The following TOM1L2 variants were observed in gnomAD, a reference collection of about 807,000 sequenced individuals.
TOM1L2 encodes TOM1-like protein 2.
In TOM1L2, 31 loss-of-function variants were observed where a neutral mutation model predicts 67.9. That is an observed-to-expected ratio of 0.46 (90% CI 0.34 to 0.62). The LOEUF is 0.62. Among genes scored for constraint, TOM1L2 ranks in the 20% least tolerant of loss-of-function variants. The probability of loss-of-function intolerance (pLI) is 0.01; values close to 1 mark genes in which losing one functional copy is unlikely to be tolerated. For synonymous variants in TOM1L2, 256 were observed against 254.0 expected (o/e 1.01, Z -0.07); for missense variants, 606 against 663.5 (o/e 0.91, Z 0.95).
intron 1 of TOM1L2, among the ~76,000 whole-genome samples, chr17:17,932,322 G>A (rs1168810938): frequency 6.6e-6 from 1 of 152,116 alleles, no homozygotes; most frequent in Non-Finnish European, 1.5e-5. Flanking sequence ...TAGAGACAGA[G>A]TCTTGGTACT....
intron 12 of TOM1L2, chr17:17,851,154 T>A (rs1299821809): frequency 1.7e-6 from 1 of 588,536 alleles, no homozygotes; most frequent in Non-Finnish European, 3.0e-6. Flanking sequence ...AGCAATGAGG[T>A]GCAAATGATA....
chr17:17,891,589 C>T (rs1343255122), intron 4 of TOM1L2, among the ~76,000 whole-genome samples: 4 of 152,198 alleles, frequency 2.6e-5, no homozygotes, highest in Admixed American at 6.5e-5. Flanking sequence ...GTAGGCTAGC[C>T]ACCCTGCTGG....
chr17:17,904,767 C>G (rs1271405651), intron 2 of TOM1L2, among the ~76,000 whole-genome samples: 10 of 152,168 alleles, frequency 6.6e-5, no homozygotes, highest in Non-Finnish European at 1.5e-4. Flanking sequence ...CTATCCTAGA[C>G]AGCTTGTATC....
rs751515077 is a variant in TOM1L2, at chr17:17,879,633, C to T, written c.771G>A (p.Leu257=). The change falls in exon 7 of 15, where the codon TTG becomes TTA. Residue 257 remains leucine (L), a synonymous_variant. Transcript: ENST00000379504. The stretch of plus-strand genomic sequence containing the variant: ...CTTCTGAAAGATGACTCACCTGCAG[C>T]AACTCCAGATCAGATGAATCCTCCT... ...PGQEDSSDLE[L]LQELNRTCRA... is the part of the protein sequence containing the mutation. 3.2e-5 allele frequency: 52 copies of T among 1,613,434 alleles called. No homozygotes were observed. Among genetic ancestry groups the T allele is most frequent in the South Asian group, 3.3e-5 (3 of 91,088 alleles).
intron 1 of TOM1L2, among the ~76,000 whole-genome samples, chr17:17,941,454 CAT>C (rs2144792839): frequency 6.6e-6 from 1 of 152,060 alleles, no homozygotes; most frequent in African/African-American, 2.4e-5. Context: ...GAAAACAAAA[CAT>C]ATGTGAAAAA....
intron 2 of TOM1L2, among the ~76,000 whole-genome samples, chr17:17,903,654 C>G (rs946573070): frequency 5.3e-5 from 8 of 151,638 alleles, no homozygotes; most frequent in African/African-American, 1.9e-4. Context: ...AGATGGAAAT[C>G]CTGTCCTCAT....
At position 17,845,915 on chromosome 17, in the gene TOM1L2, T is replaced by G. The variant is rs1275463970; in HGVS notation, c.*1720A>C. 1 of 152,352 alleles carries G rather than the reference T, an allele frequency of 6.6e-6. No homozygotes were observed. The highest frequency in any genetic ancestry group is 1.5e-5 in the Non-Finnish European group (1 of 68,120). 9.4% of individuals were successfully genotyped at this position (152,352 alleles called of 1,614,324 possible). A position where few individuals can be genotyped will look rare whatever the true frequency, so the allele number is the denominator to read the frequency against. On this transcript the variant is annotated 3_prime_UTR_variant, in exon 15 of 15. Transcript: ENST00000379504. ...CTGGCCACTCCACGGAGGAGCTTCC[T>G]GGGTGAACCTGAGCAACTGGAGTGA...
chr17:17,949,419 T>C (rs1384153879), intron 1 of TOM1L2, among the ~76,000 whole-genome samples: 1 of 152,178 alleles, frequency 6.6e-6, no homozygotes, highest in African/African-American at 2.4e-5. Context: ...GTCAGGAGAA[T>C]AAATGTTACA....
At chr17:17,878,954 T>A (rs1308879232) in intron 7 of TOM1L2, among the ~76,000 whole-genome samples, 3 of 152,196 alleles carry the variant, frequency 2.0e-5, no homozygotes, top group African/African-American at 7.2e-5. Flanking sequence ...GCCTTGACCC[T>A]GGTTTCAGGG....
intron 12 of TOM1L2, chr17:17,858,226 A>ATTTT (rs10664045): frequency 1.0e-3 from 159 of 157,340 alleles, no homozygotes; most frequent in African/African-American, 3.4e-3. Context: ...TTTTTCCTAC[A>ATTTT]TTTTTTTTTT....
At chr17:17,905,272 A>G (rs1050667842) in intron 2 of TOM1L2, among the ~76,000 whole-genome samples, 7 of 152,192 alleles carry the variant, frequency 4.6e-5, no homozygotes, top group Non-Finnish European at 1.0e-4. Context: ...TTCCCTGTGC[A>G]GTTCCCTGTC....
intron 1 of TOM1L2, among the ~76,000 whole-genome samples, chr17:17,965,186 A>C (rs995110513): frequency 6.6e-6 from 1 of 151,912 alleles, no homozygotes; most frequent in Non-Finnish European, 1.5e-5. Context: ...CTACCTCTGT[A>C]ATGATATTCA....
chr17:17,874,144 C>T (rs557196495), intron 7 of TOM1L2, among the ~76,000 whole-genome samples: 6 of 151,396 alleles, frequency 4.0e-5, no homozygotes, highest in Admixed American at 1.3e-4. Context: ...TTAATAGAGA[C>T]GGGGTTTTAC....
At chr17:17,934,247 C>A (rs760030159) in intron 1 of TOM1L2, among the ~76,000 whole-genome samples, 1 of 152,154 alleles carries the variant, frequency 6.6e-6, no homozygotes, top group South Asian at 2.1e-4. Flanking sequence ...GAGTTCAAGA[C>A]CAGCCTGGGC....
At chr17:17,957,156 T>A (rs1398667672) in intron 1 of TOM1L2, among the ~76,000 whole-genome samples, 1 of 152,146 alleles carries the variant, frequency 6.6e-6, no homozygotes, top group Non-Finnish European at 1.5e-5. Flanking sequence ...AATTTTTAAA[T>A]TTTTTGTAGA....
At chr17:17,966,912 C>A (rs1374174112) in intron 1 of TOM1L2, among the ~76,000 whole-genome samples, 1 of 152,186 alleles carries the variant, frequency 6.6e-6, no homozygotes, top group Non-Finnish European at 1.5e-5. Context: ...AAGGGCTTTG[C>A]AAATTCCTGC....
intron 1 of TOM1L2, among the ~76,000 whole-genome samples, chr17:17,961,601 C>T (rs559845622): frequency 2.6e-5 from 4 of 151,468 alleles, no homozygotes; most frequent in African/African-American, 4.8e-5. Context: ...GGGCCGGGCA[C>T]GGTGGCTTAC....
At chr17:17,873,772 A>AG (rs2037274127) in intron 7 of TOM1L2, among the ~76,000 whole-genome samples, 2 of 152,140 alleles carry the variant, frequency 1.3e-5, no homozygotes, top group South Asian at 4.1e-4. Context: ...GGGTAAAATA[A>AG]GGGGGCTGCA....
intron 14 of TOM1L2, 122 bp downstream of exon 14, chr17:17,848,700 GC>G: frequency 9.2e-7 from 1 of 1,088,332 alleles, no homozygotes; most frequent in Non-Finnish European, 1.4e-6. Flanking sequence ...GAAGCCCATG[GC>G]TCAGGGCCTG....
Sources: gnomAD v4.1 joint callset for allele counts (sites outside exome capture counted in the v4.1 genomes callset) on GRCh38, gnomAD v4.1.1 for gene constraint, MANE v1.5 for transcripts, NCBI Gene and HGNC (gene_info 2026-07-23, HGNC 2026-07-21) for gene names.